SIRPG: variants seen among roughly 807,000 people sequenced by gnomAD.
SIRPG encodes signal regulatory protein gamma.
In SIRPG, 38 loss-of-function variants were observed where a neutral mutation model predicts 35.7. The ratio of observed to expected loss-of-function variants is 1.06; its 90% CI spans 0.82 to 1.40. SIRPG has a LOEUF of 1.40. SIRPG is among the 40% of genes most tolerant of loss of function. The probability of loss-of-function intolerance (pLI) is 0.00; values close to 1 mark genes in which losing one functional copy is unlikely to be tolerated. For missense variants in SIRPG, 519 were observed against 483.0 expected (o/e 1.07, Z -0.70); for synonymous variants, 215 against 190.4 (o/e 1.13, Z -1.06).
chr20:1,633,723 A>T (rs1166325488), intron 4 of SIRPG: 2 of 152,242 alleles, frequency 1.3e-5, no homozygotes, highest in Middle Eastern at 3.2e-3. Flanking sequence ...ACCATAAGGT[A>T]TGTGGGAGGA....
At position 1,629,463 on chromosome 20, in the gene SIRPG, C is replaced by T. The variant is rs2091732036; in HGVS notation, c.*176G>A. On this transcript the variant is annotated 3_prime_UTR_variant, in exon 6 of 6. Coordinates refer to ENST00000303415, the MANE Select transcript of SIRPG (RefSeq NM_018556.4). ...AGACCTTGCTCTGGGGCATCCAGGT[C>T]TGTGTGAAGGAGCAACAGGAGCCTG... 6.6e-6 allele frequency: 1 copy of T among 152,314 alleles called. No individual in the cohort carries two copies. The highest frequency in any genetic ancestry group is 2.4e-5 in the African/African-American group (1 of 41,426). The allele number at this position is 152,314 out of a possible 1,614,324, so 9.4% of individuals were successfully genotyped here.
chr20:1,629,658 C>T (rs1042797834), intron 5 of SIRPG, 22 bp from the exon 6 acceptor site: 1 of 152,914 alleles, frequency 6.5e-6, no homozygotes, highest in Non-Finnish European at 1.5e-5. Context: ...CACATCCACA[C>T]TTAGTCATCT....
the SIRPG span, among the ~76,000 whole-genome samples, chr20:1,681,844 G>T: frequency 6.6e-6 from 1 of 151,964 alleles, no homozygotes; most frequent in Non-Finnish European, 1.5e-5. Flanking sequence ...TCAAAAAAAT[G>T]AATAAATAAA....
Position 1,635,580 on chromosome 20 carries a change from A to G in SIRPG, c.768T>C (p.Val256=), listed in dbSNP as rs201625579. 50 of 1,613,964 alleles carry G rather than the reference A, an allele frequency of 3.1e-5. No homozygotes were observed. Among genetic ancestry groups the G allele is most frequent in the Non-Finnish European group, 3.8e-5 (45 of 1,179,986 alleles). The change falls in exon 4 of 6, where the codon GTT becomes GTC. Residue 256 remains valine, a synonymous_variant. Transcript: ENST00000303415. ...EAIRVPPTLE[V]TQQPMRVGNQ... is the part of the protein sequence containing the mutation. ...TCCCCACCCTCATGGGCTGTTGAGT[A>G]ACCTCCAAGGTGGGTGGAACTGAAA...
rs1290175888 is a variant in SIRPG at position 1,636,472 on chromosome 20, G to A, written c.464C>T (p.Ala155Val). ...TGTATGCTCAGGTGTGGTCCTCGCC[G>A]CAGGGCCCAATACCACGGGGGCAGA... ...KPSAPVVLGPAARTTPEHTVS... is the reference protein window; with the variant it reads ...KPSAPVVLGPVARTTPEHTVS... The change falls in exon 3 of 6, where the codon GCG becomes GTG. Residue 155 changes from alanine (A) to valine (V), a missense_variant. Transcript: ENST00000303415. 8.7e-6 allele frequency: 14 copies of A among 1,614,088 alleles called. No homozygotes were observed. In the East Asian group the frequency reaches 8.9e-5, roughly 10 times the overall value.
At chr20:1,640,453 G>C (rs2091843363) in intron 2 of SIRPG, among the ~76,000 whole-genome samples, 2 of 152,132 alleles carry the variant, frequency 1.3e-5, no homozygotes, top group Non-Finnish European at 2.9e-5. Context: ...TTTGCACATT[G>C]ATTTTCTATC....
intron 5 of SIRPG, 87 bp downstream of exon 5, chr20:1,630,135 G>C: frequency 9.7e-7 from 1 of 1,035,410 alleles, no homozygotes; most frequent in Non-Finnish European, 1.5e-6. Context: ...ACGGACCCTG[G>C]TGCTGCATGG....
At chr20:1,666,172 A>T in the SIRPG span, among the ~76,000 whole-genome samples, 1 of 152,196 alleles carries the variant, frequency 6.6e-6, no homozygotes, top group Non-Finnish European at 1.5e-5. Context: ...ACCTCATAGA[A>T]TAAGGATGTA....
chr20:1,662,121 A>T (rs1320627192), upstream of SIRPG, among the ~76,000 whole-genome samples: 1 of 152,228 alleles, frequency 6.6e-6, no homozygotes, highest in Non-Finnish European at 1.5e-5. Flanking sequence ...GATCTGTCAG[A>T]AAAACGAGGT....
the SIRPG span, chr20:1,676,787 C>T: frequency 9.3e-6 from 2 of 216,192 alleles, no homozygotes; most frequent in African/African-American, 2.4e-5. Flanking sequence ...ACAGGCCCCA[C>T]AGGGAACAGG....
the SIRPG span, among the ~76,000 whole-genome samples, chr20:1,673,769 G>A: frequency 6.6e-6 from 1 of 152,204 alleles, no homozygotes; most frequent in Non-Finnish European, 1.5e-5. Context: ...ACAGAAGCTG[G>A]AAGCATTTTG....
At chr20:1,674,282 C>T in the SIRPG span, among the ~76,000 whole-genome samples, 1 of 152,088 alleles carries the variant, frequency 6.6e-6, no homozygotes, top group African/African-American at 2.4e-5. Context: ...CACCAGACCC[C>T]ACCCCAAACC....
At chr20:1,664,044 C>T in the SIRPG span, among the ~76,000 whole-genome samples, 1 of 152,146 alleles carries the variant, frequency 6.6e-6, no homozygotes, top group Non-Finnish European at 1.5e-5. Flanking sequence ...GAGGAGCTGG[C>T]ATCACATGGT....
chr20:1,682,798 A>G, the SIRPG span, among the ~76,000 whole-genome samples: 1 of 152,244 alleles, frequency 6.6e-6, no homozygotes, highest in Admixed American at 6.5e-5. Flanking sequence ...CTAGGCAATC[A>G]GTTTCTAGAT....
chr20:1,661,631 C>T (rs2091996130), upstream of SIRPG, among the ~76,000 whole-genome samples: 1 of 152,182 alleles, frequency 6.6e-6, no homozygotes, highest in Non-Finnish European at 1.5e-5. Flanking sequence ...CCAGACTCTA[C>T]TCTGCAGGAA....
chr20:1,634,661 A>G (rs2091777968), intron 4 of SIRPG, among the ~76,000 whole-genome samples: 1 of 152,186 alleles, frequency 6.6e-6, no homozygotes, highest in African/African-American at 2.4e-5. Context: ...CTGATGAGAA[A>G]CGGGCACAAC....
chr20:1,683,645 C>A, the SIRPG span, among the ~76,000 whole-genome samples: 439 of 152,112 alleles, frequency 2.9e-3, 1 homozygote, highest in African/African-American at 0.01. Context: ...AGACAAATAC[C>A]ACATGGTCTC....
At chr20:1,661,327 A>G (rs1192605632), upstream of SIRPG, among the ~76,000 whole-genome samples, 1 of 152,072 alleles carries the variant, frequency 6.6e-6, no homozygotes, top group Non-Finnish European at 1.5e-5. Context: ...CGTCTGGGGG[A>G]ATCAATATGA....
At chr20:1,645,589 G>T (rs2091892177) in intron 2 of SIRPG, among the ~76,000 whole-genome samples, 1 of 152,172 alleles carries the variant, frequency 6.6e-6, no homozygotes. Context: ...TCCAGGTGCT[G>T]CTCTGAGCAT....
Sources: allele counts gnomAD v4.1 joint callset (sites outside exome capture counted in the v4.1 genomes callset), GRCh38; gene constraint gnomAD v4.1.1; transcripts MANE v1.5; gene names NCBI Gene and HGNC (gene_info 2026-07-23, HGNC 2026-07-21).